TG: variants seen among roughly 807,000 people sequenced by gnomAD.
TG encodes thyroglobulin.
TG carries 270 observed loss-of-function variants against 324.7 expected under a neutral mutation model. The ratio of observed to expected loss-of-function variants is 0.83; its 90% CI spans 0.75 to 0.92. TG has a LOEUF of 0.92. Among genes scored for constraint, TG ranks in the 40% least tolerant of loss-of-function variants. The pLI, the probability that TG is intolerant of heterozygous loss-of-function variation, is 0.00. For synonymous variants in TG, 1,401 were observed against 1,327.0 expected (o/e 1.06, Z -1.21); for missense variants, 3,591 against 3,456.4 (o/e 1.04, Z -0.98).
chr8:133,131,937 T>C lies in TG; in HGVS notation c.7988T>C (p.Ile2663Thr). 6.2e-7 allele frequency: 1 copy of C among 1,614,042 alleles called. No homozygotes were observed. The highest frequency in any genetic ancestry group is 1.3e-5 in the African/African-American group (1 of 74,984). The change falls in exon 46 of 48, where the codon ATC becomes ACC. Residue 2663 changes from isoleucine (I) to threonine (T), a missense_variant. Transcript: ENST00000220616. ...LKIMQYFSHFIRSGNPNYPYE... is the reference protein window; with the variant it reads ...LKIMQYFSHFTRSGNPNYPYE... Reference sequence around the variant, plus strand: ...ATCATGCAGTACTTTTCCCACTTCATCAGATCAGGGTAATTTTGGACCACT... The same window carrying C: ...ATCATGCAGTACTTTTCCCACTTCACCAGATCAGGGTAATTTTGGACCACT...
chr8:132,920,560 C>T (rs552469899), intron 21 of TG, among the ~76,000 whole-genome samples: 1 of 152,220 alleles, frequency 6.6e-6, no homozygotes, highest in Non-Finnish European at 1.5e-5. Context: ...GCATCACCCT[C>T]AGTTTGTACA....
intron 23 of TG, among the ~76,000 whole-genome samples, 161 bp downstream of exon 23, chr8:132,929,353 T>C (rs1315968546): frequency 6.6e-6 from 1 of 152,252 alleles, no homozygotes; most frequent in Non-Finnish European, 1.5e-5. Flanking sequence ...GCATATTCAA[T>C]TCATAACTTA....
At chr8:132,924,844 C>T (rs1821607764) in intron 22 of TG, among the ~76,000 whole-genome samples, 2 of 152,188 alleles carry the variant, frequency 1.3e-5, no homozygotes, top group Admixed American at 6.6e-5. Flanking sequence ...TAGTAAATGT[C>T]TCAGAATAAG....
intron 41 of TG, among the ~76,000 whole-genome samples, chr8:133,076,456 G>A (rs1274708110): frequency 2.6e-5 from 4 of 152,204 alleles, no homozygotes; most frequent in Admixed American, 1.3e-4. Flanking sequence ...GAAAACACCC[G>A]CTCAAGAAGA....
intron 39 of TG, among the ~76,000 whole-genome samples, chr8:133,020,966 C>A (rs1047261223): frequency 6.6e-6 from 1 of 152,164 alleles, no homozygotes; most frequent in Non-Finnish European, 1.5e-5. Flanking sequence ...GGAGTCAGGA[C>A]CTTGGATGGA....
At chr8:133,100,604 T>G (rs951737806) in intron 43 of TG, among the ~76,000 whole-genome samples, 1 of 152,218 alleles carries the variant, frequency 6.6e-6, no homozygotes, top group Non-Finnish European at 1.5e-5. Flanking sequence ...TTATTACTAT[T>G]TTTCAGAGAG....
intron 41 of TG, among the ~76,000 whole-genome samples, chr8:133,033,814 T>C (rs971259043): frequency 1.3e-5 from 2 of 152,256 alleles, no homozygotes; most frequent in African/African-American, 2.4e-5. Context: ...AACACTTATA[T>C]GTAGCAATGC....
In TG at chr8:132,913,783, C is replaced by T. The variant is rs12335293; in HGVS notation, c.4378+518C>T. Among the ~76,000 whole-genome samples, 270 of 152,222 alleles carry T rather than the reference C, an allele frequency of 1.8e-3. 3 individuals carry two copies. Among genetic ancestry groups the T allele is most frequent in the African/African-American group, 5.6e-3 (234 of 41,520 alleles). On this transcript the variant is annotated intron_variant, in intron 20 of 47. Transcript: ENST00000220616. ...AGTTGCATTAGTTTCCTGTTGCTAC[C>T]ATAGTAAATGACCAAAAATTTTGTG...
At chr8:132,937,009 C>T (rs942087291) in intron 25 of TG, among the ~76,000 whole-genome samples, 6 of 151,104 alleles carry the variant, frequency 4.0e-5, no homozygotes, top group African/African-American at 1.2e-4. Context: ...CCAAGGTCAT[C>T]GGCAGATTGG....
rs1407481797 is a variant in TG, at chr8:132,886,727, G to T, written c.1355G>T (p.Gly452Val). Residue 452 changes from glycine to valine, a missense_variant, in exon 9 of 48, where the codon GGG becomes GTG. Coordinates refer to ENST00000220616, the MANE Select transcript of TG (RefSeq NM_003235.5). Reference protein sequence around the residue: ...EAIRAIFPSRGLARLALQFTT... With the variant: ...EAIRAIFPSRVLARLALQFTT... ...ATCCGAGCAATTTTTCCCTCCCGAG[G>T]GCTGGCTCGTCTTGCCCTTCAGTTT... The T allele has an allele frequency of 6.2e-7, 1 of 1,614,118 alleles. No individual in the cohort carries two copies. The highest frequency in any genetic ancestry group is 1.1e-5 in the South Asian group (1 of 91,078).
intron 45 of TG, among the ~76,000 whole-genome samples, chr8:133,118,471 T>C (rs1260802379): frequency 2.6e-5 from 4 of 152,034 alleles, no homozygotes; most frequent in Admixed American, 1.3e-4. Flanking sequence ...ATTACAGGCA[T>C]GCGCCATGAT....
At chr8:133,104,596 G>A (rs1410498795) in intron 43 of TG, among the ~76,000 whole-genome samples, 1 of 152,180 alleles carries the variant, frequency 6.6e-6, no homozygotes, top group Non-Finnish European at 1.5e-5. Context: ...AGAAAATGCG[G>A]TATCACAATA....
intron 45 of TG, among the ~76,000 whole-genome samples, chr8:133,123,899 G>A (rs58196159): frequency 6.6e-6 from 1 of 152,356 alleles, no homozygotes; most frequent in East Asian, 1.9e-4. Flanking sequence ...TATGAAGTGT[G>A]TCAGGATTAA....
chr8:133,049,556 G>A (rs754171623), intron 41 of TG: 7 of 307,038 alleles, frequency 2.3e-5, no homozygotes, highest in Non-Finnish European at 3.8e-5. Flanking sequence ...GTAAGTGACA[G>A]AGGCAGGATT....
chr8:133,012,993 G>A (rs1834656061), intron 36 of TG, among the ~76,000 whole-genome samples: 1 of 152,250 alleles, frequency 6.6e-6, no homozygotes, highest in African/African-American at 2.4e-5. Flanking sequence ...AGGCATTGAA[G>A]AACAGGAGAG....
intron 5 of TG, among the ~76,000 whole-genome samples, chr8:132,874,720 T>C (rs1300686985): frequency 6.6e-6 from 1 of 152,248 alleles, no homozygotes; most frequent in Non-Finnish European, 1.5e-5. Flanking sequence ...ATGAAATTTC[T>C]ATTTTTGTAG....
intron 29 of TG, 31 bp downstream of exon 29, chr8:132,963,105 G>C (rs772821106): frequency 6.2e-7 from 1 of 1,607,536 alleles, no homozygotes; most frequent in African/African-American, 1.3e-5. Flanking sequence ...TTACACACTT[G>C]GGTGTCTGAA....
At chr8:132,936,929 T>C (rs561657080) in intron 25 of TG, among the ~76,000 whole-genome samples, 110 of 152,356 alleles carry the variant, frequency 7.2e-4, no homozygotes, top group African/African-American at 2.5e-3. Context: ...ATGAGCTGCA[T>C]GGTCTTGGGC....
chr8:133,116,383 C>A (rs1296519256), intron 44 of TG, among the ~76,000 whole-genome samples: 1 of 152,234 alleles, frequency 6.6e-6, no homozygotes. Flanking sequence ...GAGCCCACCA[C>A]CTACCAGAGG....
Sources: gnomAD v4.1 joint callset for allele counts (sites outside exome capture counted in the v4.1 genomes callset) on GRCh38, gnomAD v4.1.1 for gene constraint, MANE v1.5 for transcripts, NCBI Gene and HGNC (gene_info 2026-07-23, HGNC 2026-07-21) for gene names.